The following PCDHA7 variants were observed in gnomAD, a reference collection of about 807,000 sequenced individuals.
PCDHA7 encodes protocadherin alpha 7.
PCDHA7 carries 37 observed loss-of-function variants against 57.2 expected under a neutral mutation model. The observed-to-expected ratio is 0.65, with a 90% CI of 0.50 to 0.85. The LOEUF is 0.85. PCDHA7 is among the 40% of genes least tolerant of loss of function. The pLI is 0.00. For synonymous variants in PCDHA7, 553 were observed against 558.8 expected (o/e 0.99, Z 0.15); for missense variants, 1,188 against 1,241.8 (o/e 0.96, Z 0.65).
chr5:140,856,146 C>CA, intron 1 of PCDHA7: 2 of 1,598,308 alleles, frequency 1.3e-6, no homozygotes, highest in Non-Finnish European at 1.7e-6. Context: ...CTCCACTACT[C>CA]AGTCTACGAG....
intron 1 of PCDHA7, chr5:140,851,052 C>A (rs571650734): frequency 1.4e-6 from 2 of 1,383,936 alleles, no homozygotes; most frequent in Admixed American, 2.8e-5. Context: ...CCGACTTTGT[C>A]TTGACTTCTA....
intron 1 of PCDHA7, chr5:140,841,832 A>G: frequency 6.2e-7 from 1 of 1,613,924 alleles, no homozygotes; most frequent in Non-Finnish European, 8.5e-7. Flanking sequence ...GTTAACCTAC[A>G]GGCTTAGCTC....
chr5:140,872,717 T>TA (rs781995084), intron 1 of PCDHA7, among the ~76,000 whole-genome samples: 11 of 152,194 alleles, frequency 7.2e-5, no homozygotes, highest in Non-Finnish European at 1.5e-4. Context: ...ACTAGGTAAA[T>TA]AAAATTATTC....
chr5:140,968,871 C>A lies in PCDHA7; in HGVS notation c.2356-10078C>A, dbSNP rs782670653. 11 of 1,614,218 alleles carry A rather than the reference C, an allele frequency of 6.8e-6. No individual in the cohort carries two copies. In the South Asian group the frequency reaches 1.2e-4, roughly 18 times the overall value. On this transcript the variant is annotated intron_variant, in intron 1 of 3. Coordinates refer to ENST00000525929, the MANE Select transcript of PCDHA7 (RefSeq NM_018910.3). ...CATGTTAAGAGCCCTCGGACATACT[C>A]TGAAATTACCCTTTATCTAATAATA...
intron 1 of PCDHA7, chr5:140,866,014 C>A (rs187025106): frequency 1.3e-5 from 2 of 152,026 alleles, no homozygotes; most frequent in East Asian, 3.9e-4. Flanking sequence ...TGATTTTTTT[C>A]TTGTAAGAGT....
chr5:140,869,126 G>T, intron 1 of PCDHA7: 2 of 1,611,852 alleles, frequency 1.2e-6, no homozygotes, highest in South Asian at 2.2e-5. Flanking sequence ...CAGAGAAGGG[G>T]ATTGGGCACC....
At chr5:140,854,785 T>A (rs998570267) in intron 1 of PCDHA7, 1 of 149,624 alleles carries the variant, frequency 6.7e-6, no homozygotes, top group Non-Finnish European at 1.5e-5. Flanking sequence ...TTTCAAGAAC[T>A]TTGAGAGAGA....
At chr5:140,917,397 C>T (rs1606123) in intron 1 of PCDHA7, among the ~76,000 whole-genome samples, 6,084 of 150,666 alleles carry the variant, frequency 0.04, 137 homozygotes, top group Non-Finnish European at 0.052. Context: ...TGTGCAGAAG[C>T]TCTTTAGTTT....
Position 141,010,168 on chromosome 5 carries a change from C to T in PCDHA7, c.*231C>T. The T allele has an allele frequency of 6.4e-7, 1 of 1,561,094 alleles. No individual in the cohort carries two copies. On this transcript the variant is annotated 3_prime_UTR_variant, in exon 4 of 4. Coordinates refer to ENST00000525929, the MANE Select transcript of PCDHA7 (RefSeq NM_018910.3). Reference sequence around the variant, plus strand: ...TCTCCACTCTGGCTTGTTTTCAGAACCTAAAAAGCAGACCCAAGTTTCCTT... The same window carrying T: ...TCTCCACTCTGGCTTGTTTTCAGAATCTAAAAAGCAGACCCAAGTTTCCTT...
chr5:140,894,569 C>CT (rs556288790), intron 1 of PCDHA7, among the ~76,000 whole-genome samples: 36 of 151,446 alleles, frequency 2.4e-4, no homozygotes, highest in African/African-American at 7.5e-4. Context: ...AATTATTTTC[C>CT]TTTTTTTTAA....
In PCDHA7 at chr5:140,836,093, G is replaced by T. The variant is rs1554135604; in HGVS notation, c.1710G>T (p.Val570=). ...CGCCGGCACTGCTGGCGCCTCGGGTGGGTGGCACTGGTGGCGCAGTGAGAG... is the reference window on the plus strand; with the variant it reads ...CGCCGGCACTGCTGGCGCCTCGGGTTGGTGGCACTGGTGGCGCAGTGAGAG... The part of the protein sequence containing the change: ...DNAPALLAPR[V]GGTGGAVREL... The change falls in exon 1 of 4, where the codon GTG becomes GTT. Residue 570 remains valine (V), a synonymous_variant. Coordinates refer to ENST00000525929, the MANE Select transcript of PCDHA7 (RefSeq NM_018910.3). 1.9e-6 allele frequency: 3 copies of T among 1,613,720 alleles called. No homozygotes were observed. The South Asian group carries it at 3.3e-5, about 18-fold the overall frequency.
At chr5:140,881,469 T>C (rs879988017) in intron 1 of PCDHA7, 3 of 570,626 alleles carry the variant, frequency 5.3e-6, no homozygotes, top group Non-Finnish European at 6.7e-6. Context: ...AGCATTGTTG[T>C]GGCTAAATTA....
At chr5:140,871,532 T>G in intron 1 of PCDHA7, 1 of 1,515,318 alleles carries the variant, frequency 6.6e-7, no homozygotes, top group Non-Finnish European at 8.8e-7. Flanking sequence ...AGGAAGTGTA[T>G]GTGAAATTAT....
intron 1 of PCDHA7, chr5:140,967,043 G>A: frequency 6.2e-7 from 1 of 1,612,108 alleles, no homozygotes; most frequent in Non-Finnish European, 8.5e-7. Context: ...CCTGGAGCTG[G>A]ACCTGACGAG....
Position 140,966,881 on chromosome 5 carries a change from C to T in PCDHA7, c.2356-12068C>T, listed in dbSNP as rs2096065304. 4.4e-6 allele frequency: 7 copies of T among 1,588,952 alleles called. No individual in the cohort carries two copies. In the South Asian group the frequency reaches 6.7e-5, roughly 15 times the overall value. ...GCTGTTGCTGCTGCTGCTACCTGGC[C>T]CTGCGGCCTCCCAGCTGCGATACTC... On this transcript the variant is annotated intron_variant, in intron 1 of 3. Coordinates refer to ENST00000525929, the MANE Select transcript of PCDHA7 (RefSeq NM_018910.3).
chr5:140,945,909 TC>T (rs1440194990), intron 1 of PCDHA7, among the ~76,000 whole-genome samples: 3 of 151,962 alleles, frequency 2.0e-5, no homozygotes, highest in African/African-American at 7.2e-5. Context: ...AGATGAAAGA[TC>T]AATAACACTG....
chr5:140,938,945 T>C (rs1390189208), intron 1 of PCDHA7, among the ~76,000 whole-genome samples: 8 of 152,154 alleles, frequency 5.3e-5, no homozygotes, highest in African/African-American at 1.9e-4. Flanking sequence ...TCCATTCTTA[T>C]AATGCTCTAG....
chr5:141,000,080 G>T (rs1554257118), intron 3 of PCDHA7, among the ~76,000 whole-genome samples: 1 of 152,068 alleles, frequency 6.6e-6, no homozygotes, highest in Non-Finnish European at 1.5e-5. Context: ...ACAATGCTAG[G>T]CCTGTGAATG....
In PCDHA7 at chr5:140,927,241, A is replaced by T. The variant is rs781911240; in HGVS notation, c.2356-51708A>T. The stretch of plus-strand genomic sequence containing the variant: ...CAAGATTCGGATTCACGTCCTGGAC[A>T]CCAATGACAACTCACCTCTCTTTCC... On this transcript the variant is annotated intron_variant, in intron 1 of 3. Coordinates refer to ENST00000525929, the MANE Select transcript of PCDHA7 (RefSeq NM_018910.3). 3 of 1,613,966 alleles carry T rather than the reference A, an allele frequency of 1.9e-6. No homozygotes were observed. The Admixed American group carries it at 5.0e-5, about 27-fold the overall frequency.
Sources: gnomAD v4.1 joint callset for allele counts (sites outside exome capture counted in the v4.1 genomes callset) on GRCh38, gnomAD v4.1.1 for gene constraint, MANE v1.5 for transcripts, NCBI Gene and HGNC (gene_info 2026-07-23, HGNC 2026-07-21) for gene names.